The following UBE2E2 variants were observed in gnomAD, a reference collection of about 807,000 sequenced individuals.
The protein encoded by UBE2E2 is ubiquitin conjugating enzyme E2 E2, also known as ubiquitin-conjugating enzyme E2 E2.
UBE2E2 carries 6 observed loss-of-function variants against 24.7 expected under a neutral mutation model. The observed-to-expected ratio is 0.24, with a 90% confidence interval of 0.13 to 0.48. UBE2E2 has a LOEUF of 0.48. UBE2E2 is among the 20% of genes least tolerant of loss of function. The pLI is 0.99. For synonymous variants in UBE2E2, 104 were observed against 83.6 expected (o/e 1.24, Z -1.33); for missense variants, 169 against 245.0 (o/e 0.69, Z 2.07).
At chr3:23,262,507 C>A (rs571710632) in intron 3 of UBE2E2, among the ~76,000 whole-genome samples, 61 of 152,202 alleles carry the variant, frequency 4.0e-4, no homozygotes, top group Non-Finnish European at 6.5e-4. Flanking sequence ...TCTCAAACTT[C>A]TGGCTTCATG....
chr3:23,325,873 T>A (rs7613733), intron 3 of UBE2E2, among the ~76,000 whole-genome samples: 1 of 152,040 alleles, frequency 6.6e-6, no homozygotes, highest in Non-Finnish European at 1.5e-5. Flanking sequence ...TTTTTCACTT[T>A]CCAGTGTTGT....
At chr3:23,358,652 T>A (rs1019690007) in intron 3 of UBE2E2, among the ~76,000 whole-genome samples, 3 of 152,344 alleles carry the variant, frequency 2.0e-5, no homozygotes, top group East Asian at 3.9e-4. Context: ...GTTAAAACAA[T>A]CATGCTTTTT....
intron 5 of UBE2E2, among the ~76,000 whole-genome samples, chr3:23,569,876 T>C (rs1484256468): frequency 6.6e-6 from 1 of 152,216 alleles, no homozygotes; most frequent in African/African-American, 2.4e-5. Flanking sequence ...AGCCATTGTA[T>C]TTTTACTGTT....
rs541722350 is a variant in UBE2E2 at position 23,529,449 on chromosome 3, A to G, written c.361-3105A>G. Among the ~76,000 whole-genome samples the G allele has an allele frequency of 2.5e-3, 376 of 152,284 alleles. 4 individuals are homozygous for G. The highest frequency in any genetic ancestry group is 8.7e-3 in the African/African-American group (360 of 41,538). On this transcript the variant is annotated intron_variant, in intron 4 of 5. Coordinates refer to ENST00000396703, the MANE Select transcript of UBE2E2 (RefSeq NM_152653.4). ...CTGTACATGAATCTACAATTATCCC[A>G]GAATTATAAATTTTTAACGAAAGAA...
intron 3 of UBE2E2, among the ~76,000 whole-genome samples, chr3:23,405,084 G>T (rs1390254378): frequency 1.3e-5 from 2 of 152,072 alleles, no homozygotes; most frequent in Admixed American, 6.6e-5. Context: ...GTGAATTTTT[G>T]AAAAATACAG....
chr3:23,495,235 A>G (rs778341800), intron 3 of UBE2E2, among the ~76,000 whole-genome samples: 16 of 152,208 alleles, frequency 1.1e-4, no homozygotes, highest in Non-Finnish European at 2.2e-4. Flanking sequence ...CAAAGAACCA[A>G]TAAAACTTGG....
chr3:23,493,494 A>G (rs926574494), intron 3 of UBE2E2, among the ~76,000 whole-genome samples: 1 of 152,174 alleles, frequency 6.6e-6, no homozygotes, highest in Non-Finnish European at 1.5e-5. Context: ...TTGTGTTTTT[A>G]TTTTGAAATT....
In UBE2E2 at chr3:23,554,372, A is replaced by G. The variant is rs28842243; in HGVS notation, c.508+21671A>G. Among the ~76,000 whole-genome samples, 1,036 of 152,278 alleles carry G rather than the reference A, an allele frequency of 6.8e-3. 9 individuals are homozygous for G. Among genetic ancestry groups the G allele is most frequent in the African/African-American group, 0.023 (973 of 41,570 alleles). The stretch of plus-strand genomic sequence containing the variant: ...ACATGTAAAAGAATGAAATTGAGCC[A>G]GGCACAGTGGCTCATGCCTGTAGCC... On this transcript the variant is annotated intron_variant, in intron 5 of 5. Coordinates refer to ENST00000396703, the MANE Select transcript of UBE2E2 (RefSeq NM_152653.4).
intron 4 of UBE2E2, among the ~76,000 whole-genome samples, chr3:23,517,926 T>C (rs1694780163): frequency 6.6e-6 from 1 of 152,158 alleles, no homozygotes; most frequent in South Asian, 2.1e-4. Flanking sequence ...AGATTTCTTT[T>C]AGGGACAGGA....
intron 3 of UBE2E2, among the ~76,000 whole-genome samples, chr3:23,492,649 T>C (rs1467498175): frequency 1.3e-5 from 2 of 152,214 alleles, no homozygotes; most frequent in Non-Finnish European, 2.9e-5. Flanking sequence ...TGACTTCTTC[T>C]AGTTATGCCA....
At chr3:23,547,754 C>G (rs745461252) in intron 5 of UBE2E2, among the ~76,000 whole-genome samples, 2 of 152,206 alleles carry the variant, frequency 1.3e-5, no homozygotes, top group Non-Finnish European at 2.9e-5. Flanking sequence ...AGGAGACATT[C>G]TTTTCTCAGT....
intron 5 of UBE2E2, among the ~76,000 whole-genome samples, chr3:23,560,959 T>C (rs1428065146): frequency 6.6e-6 from 1 of 152,244 alleles, no homozygotes; most frequent in Non-Finnish European, 1.5e-5. Context: ...TTGTAGATTC[T>C]GGATATTAGA....
At chr3:23,345,486 C>G (rs919819181) in intron 3 of UBE2E2, among the ~76,000 whole-genome samples, 3 of 152,118 alleles carry the variant, frequency 2.0e-5, no homozygotes, top group Non-Finnish European at 2.9e-5. Context: ...TTCTTTAGAG[C>G]TTTGATTGCA....
At chr3:23,530,345 C>A (rs4574222) in intron 4 of UBE2E2, among the ~76,000 whole-genome samples, 1 of 152,100 alleles carries the variant, frequency 6.6e-6, no homozygotes, top group Non-Finnish European at 1.5e-5. Context: ...GAAAATGTCC[C>A]TCTTTGATTA....
Position 23,315,769 on chromosome 3 carries a change from A to G in UBE2E2, c.227+98457A>G, listed in dbSNP as rs1575555919. 9.2e-5 allele frequency among the ~76,000 whole-genome samples: 14 copies of G among 152,144 alleles called. 2 individuals carry two copies. The South Asian group carries it at 2.9e-3, about 32-fold the overall frequency. ...TCATTTATGGGAAGGCTTTCCAGGT[A>G]TTTGTTGGAACTTGAGTGCTGTAAT... is the stretch of plus-strand genomic sequence containing the variant. On this transcript the variant is annotated intron_variant, in intron 3 of 5. Coordinates refer to ENST00000396703, the MANE Select transcript of UBE2E2 (RefSeq NM_152653.4).
At chr3:23,587,901 CTA>C (rs1696663685) in intron 5 of UBE2E2, among the ~76,000 whole-genome samples, 1 of 152,136 alleles carries the variant, frequency 6.6e-6, no homozygotes, top group African/African-American at 2.4e-5. Flanking sequence ...AAGTAGTCTA[CTA>C]ATTGTGATAT....
chr3:23,257,645 A>G (rs1455256545), intron 3 of UBE2E2, among the ~76,000 whole-genome samples: 1 of 149,254 alleles, frequency 6.7e-6, no homozygotes, highest in African/African-American at 2.5e-5. Context: ...AGCTGGGACT[A>G]TAGGCACAGG....
chr3:23,590,059 T>G lies in UBE2E2; in HGVS notation c.*228T>G. ...CATTTTATTCCCTTGTTGATTTCTG[T>G]TAACTTGAAAGATTTGGGATTTTTT... On this transcript the variant is annotated 3_prime_UTR_variant, in exon 6 of 6. Transcript: ENST00000396703. The G allele has an allele frequency of 2.2e-6, 1 of 446,658 alleles. No homozygotes were observed. The highest frequency in any genetic ancestry group is 5.5e-5 in the South Asian group (1 of 18,322). The allele number at this position is 446,658 out of a possible 1,614,324, so 27.7% of individuals were successfully genotyped here.
chr3:23,455,037 G>T (rs532662959), intron 3 of UBE2E2, among the ~76,000 whole-genome samples: 1 of 118,772 alleles, frequency 8.4e-6, no homozygotes, highest in African/African-American at 2.7e-5. Context: ...CCTAACCCAG[G>T]TCTCTGCATG....
Sources: allele counts gnomAD v4.1 joint callset (sites outside exome capture counted in the v4.1 genomes callset), GRCh38; gene constraint gnomAD v4.1.1; transcripts MANE v1.5; gene names NCBI Gene and HGNC (gene_info 2026-07-23, HGNC 2026-07-21).